Variants in DNASE1 observed in about 807,000 individuals in gnomAD.
The protein encoded by DNASE1 is deoxyribonuclease-1.
In DNASE1, 40 loss-of-function variants were observed where a neutral mutation model predicts 33.9. The observed-to-expected ratio is 1.18, with a 90% CI of 0.92 to 1.54. The LOEUF (loss-of-function observed/expected upper bound fraction) is 1.54. Among genes scored for constraint, DNASE1 ranks in the 40% most tolerant of loss-of-function variants. The probability of loss-of-function intolerance (pLI) is 0.00; values close to 1 mark genes in which losing one functional copy is unlikely to be tolerated. For synonymous variants in DNASE1, 216 were observed against 160.0 expected, an observed-to-expected ratio of 1.35 and a Z score of -2.64; for missense variants, 518 against 372.6, an observed-to-expected ratio of 1.39 and a Z score of -3.21.
At chr16:3,645,389 T>C (rs1215789021) in intron 1 of DNASE1, among the ~76,000 whole-genome samples, 1 of 152,246 alleles carries the variant, frequency 6.6e-6, no homozygotes, top group African/African-American at 2.4e-5. Flanking sequence ...TGGAGTCCAG[T>C]TGCAGTTCGC....
At chr16:3,654,576 A>G, upstream of DNASE1, 1 of 396,642 alleles carries the variant, frequency 2.5e-6, no homozygotes, top group East Asian at 3.6e-5. Flanking sequence ...TACCTGGCCC[A>G]TCCCTGCCCT....
Position 3,657,118 on chromosome 16 carries a change from C to A in DNASE1, c.549+7C>A. On this transcript the variant is annotated splice_region_variant and intron_variant, in intron 6 of 8. Transcript: ENST00000246949. ...AGAGAAATGGGGCTTGGAGGTGAGG[C>A]CCTCCCAGGGGCAGTGGGCACCAGC... The A allele has an allele frequency of 6.2e-7, 1 of 1,614,114 alleles. No homozygotes were observed. Among genetic ancestry groups the A allele is most frequent in the Non-Finnish European group, 8.5e-7 (1 of 1,180,020 alleles).
chr16:3,640,988 A>C (rs1596606294), upstream of DNASE1: 3 of 398,588 alleles, frequency 7.5e-6, no homozygotes, highest in East Asian at 1.1e-4. Flanking sequence ...GAGCAGGCCC[A>C]ACAGGGCCAC....
intron 1 of DNASE1, among the ~76,000 whole-genome samples, chr16:3,630,134 TGTG>T (rs1171338831): frequency 1.6e-5 from 2 of 127,556 alleles, no homozygotes; most frequent in African/African-American, 5.5e-5. Flanking sequence ...TGTTTTTTGT[TGTG>T]TGTGTGTGTG....
At chr16:3,653,331 C>G (rs537092067), upstream of DNASE1, 25 of 152,286 alleles carry the variant, frequency 1.6e-4, no homozygotes, top group African/African-American at 6.0e-4. Context: ...TTGAGAGGAT[C>G]CATTTCTGTT....
upstream of DNASE1, among the ~76,000 whole-genome samples, chr16:3,642,054 C>T (rs925947145): frequency 6.6e-6 from 1 of 152,178 alleles, no homozygotes; most frequent in Non-Finnish European, 1.5e-5. Context: ...GGCAGTGGCC[C>T]CAGGACTGTG....
chr16:3,662,846 C>G, downstream of DNASE1: 1 of 1,604,060 alleles, frequency 6.2e-7, no homozygotes. Flanking sequence ...AGGGACACTG[C>G]GGCCAAGTGG....
At chr16:3,652,391 T>A (rs984479260), upstream of DNASE1, 3 of 152,210 alleles carry the variant, frequency 2.0e-5, no homozygotes, top group Non-Finnish European at 4.4e-5. Flanking sequence ...TGGGTCGCTG[T>A]CAGATGTGTG....
At chr16:3,625,730 G>T (rs2151168793) in intron 1 of DNASE1, among the ~76,000 whole-genome samples, 1 of 152,222 alleles carries the variant, frequency 6.6e-6, no homozygotes, top group Non-Finnish European at 1.5e-5. Flanking sequence ...CTTAAACAGG[G>T]ACACAAACCA....
At chr16:3,646,103 C>A (rs552492077) in intron 1 of DNASE1, among the ~76,000 whole-genome samples, 3 of 152,236 alleles carry the variant, frequency 2.0e-5, no homozygotes, top group Non-Finnish European at 4.4e-5. Context: ...GCTGTGGGAG[C>A]CACTGCAACC....
At chr16:3,638,658 T>G (rs1006424466), upstream of DNASE1, among the ~76,000 whole-genome samples, 1 of 152,228 alleles carries the variant, frequency 6.6e-6, no homozygotes. Flanking sequence ...TTTTATTGAC[T>G]TTCTTGGATG....
chr16:3,654,379 C>G (rs1199028451), upstream of DNASE1: 1 of 398,666 alleles, frequency 2.5e-6, no homozygotes, highest in African/African-American at 2.1e-5. Flanking sequence ...TGCAGAGTTG[C>G]CTGCACCTGA....
chr16:3,664,233 G>A, exon 10 of DNASE1: 1 of 1,500,076 alleles, frequency 6.7e-7, no homozygotes, highest in South Asian at 1.3e-5. Flanking sequence ...CCCTCCCCAG[G>A]TTGCAGCCCC....
chr16:3,647,475 T>C (rs1176243408), intron 1 of DNASE1, among the ~76,000 whole-genome samples: 2 of 152,112 alleles, frequency 1.3e-5, no homozygotes, highest in African/African-American at 4.8e-5. Context: ...GTTCTTGCCA[T>C]GTTACCTAGA....
At chr16:3,655,118 C>T (rs1442059529) in intron 1 of DNASE1, 74 bp downstream of exon 1, 5 of 600,928 alleles carry the variant, frequency 8.3e-6, no homozygotes, top group African/African-American at 7.4e-5. Context: ...GTCTCATCCT[C>T]CAGCAGCGAG....
chr16:3,662,557 G>A (rs2043145157), downstream of DNASE1: 7 of 566,526 alleles, frequency 1.2e-5, no homozygotes, highest in Non-Finnish European at 2.3e-5. Flanking sequence ...GAGCATGTGA[G>A]CTCCTGAGGG....
intron 1 of DNASE1, among the ~76,000 whole-genome samples, chr16:3,635,068 C>T (rs535853298): frequency 6.6e-6 from 1 of 152,272 alleles, no homozygotes; most frequent in East Asian, 1.9e-4. Context: ...AGCTATCCTG[C>T]CTCAGCCTCT....
downstream of DNASE1, chr16:3,658,900 G>T: frequency 1.2e-6 from 2 of 1,608,370 alleles, no homozygotes; most frequent in Non-Finnish European, 1.7e-6. Context: ...AAGCAGCTCA[G>T]TACCACGTGC....
chr16:3,656,611 A>G lies in DNASE1; in HGVS notation c.321-27A>G, dbSNP rs376393032. On this transcript the variant is annotated intron_variant, in intron 4 of 8. Coordinates refer to ENST00000246949, the MANE Select transcript of DNASE1 (RefSeq NM_005223.4). ...GTGGGGCAGCTTCCAGCCTGGGGTC[A>G]CCTCCTCCTGCCCGGCCTTCCCGCA... is the stretch of plus-strand genomic sequence containing the variant. 1,052 of 1,583,806 alleles carry G rather than the reference A, an allele frequency of 6.6e-4. 1 individual carries two copies. Among genetic ancestry groups the G allele is most frequent in the Non-Finnish European group, 8.7e-4 (1,016 of 1,161,926 alleles).
Sources: allele counts gnomAD v4.1 joint callset (sites outside exome capture counted in the v4.1 genomes callset), GRCh38; gene constraint gnomAD v4.1.1; transcripts MANE v1.5; gene names NCBI Gene and HGNC (gene_info 2026-07-23, HGNC 2026-07-21).